SH3RF1: variants seen among roughly 807,000 people sequenced by gnomAD.
SH3RF1 encodes SH3 domain containing ring finger 1.
A neutral mutation model predicts 74.0 loss-of-function variants in SH3RF1; 32 were observed. The observed-to-expected ratio is 0.43, with a 90% CI of 0.33 to 0.58. The LOEUF (loss-of-function observed/expected upper bound fraction) is 0.58, where lower values mean the gene tolerates loss of function less well. Ranked by LOEUF, SH3RF1 falls within the 20% of genes least tolerant of loss-of-function variation. SH3RF1 has a pLI of 0.05. For missense variants in SH3RF1, 954 were observed against 1,130.9 expected, an observed-to-expected ratio of 0.84 and a Z score of 2.24; for synonymous variants, 396 against 439.6, an observed-to-expected ratio of 0.90 and a Z score of 1.24.
At chr4:169,215,893 T>A (rs1730454936) in intron 2 of SH3RF1, among the ~76,000 whole-genome samples, 1 of 152,016 alleles carries the variant, frequency 6.6e-6, no homozygotes, top group South Asian at 2.1e-4. Context: ...AGCCTCAACC[T>A]CCTGAGCTCA....
chr4:169,242,267 T>C (rs527270710), intron 2 of SH3RF1, among the ~76,000 whole-genome samples: 49 of 152,326 alleles, frequency 3.2e-4, no homozygotes, highest in African/African-American at 1.2e-3. Flanking sequence ...TGCTTTCACT[T>C]GAAAACTTTT....
intron 2 of SH3RF1, among the ~76,000 whole-genome samples, chr4:169,236,552 A>C (rs1032605488): frequency 6.6e-6 from 1 of 152,180 alleles, no homozygotes; most frequent in Non-Finnish European, 1.5e-5. Context: ...TAACCTCTCT[A>C]TGTCTGCTTC....
chr4:169,216,968 T>C (rs1309402282), intron 2 of SH3RF1, among the ~76,000 whole-genome samples: 1 of 138,732 alleles, frequency 7.2e-6, no homozygotes, highest in African/African-American at 2.7e-5. Context: ...CTGAGCAACA[T>C]GGCGAAACCC....
intron 2 of SH3RF1, among the ~76,000 whole-genome samples, chr4:169,254,568 TA>T (rs896238383): frequency 6.6e-6 from 1 of 152,096 alleles, no homozygotes; most frequent in Non-Finnish European, 1.5e-5. Flanking sequence ...CGGAGGGTAG[TA>T]AAAACTAACC....
chr4:169,102,766 C>T (rs1733061528), intron 11 of SH3RF1, among the ~76,000 whole-genome samples: 1 of 152,082 alleles, frequency 6.6e-6, no homozygotes, highest in African/African-American at 2.4e-5. Context: ...ACAGAAGAAT[C>T]CTTTTGTTCC....
At chr4:169,218,397 A>T (rs1222879610) in intron 2 of SH3RF1, among the ~76,000 whole-genome samples, 5 of 137,770 alleles carry the variant, frequency 3.6e-5, no homozygotes, top group Admixed American at 2.9e-4. Flanking sequence ...ATATTATAGA[A>T]TATAGAATAT....
chr4:169,193,385 A>T (rs1234821978), intron 2 of SH3RF1, among the ~76,000 whole-genome samples: 1 of 152,128 alleles, frequency 6.6e-6, no homozygotes, highest in Non-Finnish European at 1.5e-5. Flanking sequence ...AAAGCTGCAG[A>T]TGTGTTAGCT....
intron 2 of SH3RF1, among the ~76,000 whole-genome samples, chr4:169,240,708 G>A (rs909720604): frequency 3.3e-5 from 5 of 152,080 alleles, no homozygotes; most frequent in African/African-American, 1.2e-4. Flanking sequence ...CATTTCTTGT[G>A]AGAATATTTG....
At chr4:169,225,901 C>T (rs950649791) in intron 2 of SH3RF1, among the ~76,000 whole-genome samples, 2 of 152,058 alleles carry the variant, frequency 1.3e-5, no homozygotes, top group African/African-American at 4.8e-5. Flanking sequence ...AGACATGTTA[C>T]CCTTAGAAAG....
intron 2 of SH3RF1, among the ~76,000 whole-genome samples, chr4:169,235,621 T>C (rs1265941592): frequency 6.6e-6 from 1 of 152,224 alleles, no homozygotes; most frequent in Non-Finnish European, 1.5e-5. Context: ...GCTTCTCATA[T>C]AATAATATGC....
At chr4:169,216,651 G>C (rs1332570054) in intron 2 of SH3RF1, among the ~76,000 whole-genome samples, 1 of 152,048 alleles carries the variant, frequency 6.6e-6, no homozygotes, top group Non-Finnish European at 1.5e-5. Flanking sequence ...GACCAGCCTA[G>C]GTGATGAAGT....
At chr4:169,211,912 T>C (rs540181474) in intron 2 of SH3RF1, among the ~76,000 whole-genome samples, 2 of 152,294 alleles carry the variant, frequency 1.3e-5, no homozygotes, top group South Asian at 4.1e-4. Flanking sequence ...TCAGAAAAAT[T>C]GCAAAAGTCA....
In SH3RF1 at chr4:169,212,066, T is replaced by C. The variant is rs559296163; in HGVS notation, c.394-55387A>G. On this transcript the variant is annotated intron_variant, in intron 2 of 11. Coordinates refer to ENST00000284637, the MANE Select transcript of SH3RF1 (RefSeq NM_020870.4). ...TTTTTTCTTTTCTTTTCTTTTTTTTTTTTTTTTTTTTTTTTGAGACAGAGT... is the reference window on the plus strand; with the variant it reads ...TTTTTTCTTTTCTTTTCTTTTTTTTCTTTTTTTTTTTTTTTGAGACAGAGT... Among the ~76,000 whole-genome samples, 296 of 134,188 alleles carry C rather than the reference T, an allele frequency of 2.2e-3. 1 individual carries two copies. The highest frequency in any genetic ancestry group is 3.6e-3 in the Non-Finnish European group (230 of 63,116). 88.0% of individuals were successfully genotyped at this position (134,188 alleles called of 152,430 possible). A position where few individuals can be genotyped will look rare whatever the true frequency, so the allele number is the denominator to read the frequency against.
intron 7 of SH3RF1, 128 bp from the exon 8 acceptor site, chr4:169,121,117 T>C: frequency 1.3e-6 from 1 of 753,554 alleles, no homozygotes; most frequent in East Asian, 2.7e-5. Context: ...AATCCTTTAA[T>C]CTATAAGTAG....
chr4:169,182,862 A>C (rs550798970), intron 2 of SH3RF1, among the ~76,000 whole-genome samples: 45 of 152,330 alleles, frequency 3.0e-4, no homozygotes, highest in African/African-American at 9.6e-4. Flanking sequence ...CAACCAAAAA[A>C]AAAAGGAGAA....
At chr4:169,254,242 A>C (rs1731148992) in intron 2 of SH3RF1, among the ~76,000 whole-genome samples, 1 of 152,230 alleles carries the variant, frequency 6.6e-6, no homozygotes, top group Non-Finnish European at 1.5e-5. Flanking sequence ...TACTGAACTG[A>C]CCACCTACTA....
At chr4:169,212,113 G>A (rs1463625781) in intron 2 of SH3RF1, among the ~76,000 whole-genome samples, 1 of 122,576 alleles carries the variant, frequency 8.2e-6, no homozygotes, top group African/African-American at 3.3e-5. Flanking sequence ...TGCCCAGGCT[G>A]GAGTGCAATG....
rs1399798475 is a variant in SH3RF1, at chr4:169,136,408, G to C, written c.978C>G (p.Ile326Met). ...TGGAGCTGATGAGGACAGGGGGGCT[G>C]ATCTCCATGGAGTGGCGGTTCTGGG... ...QASQNRHSMEISPPVLISSSN... is the reference protein window; with the variant it reads ...QASQNRHSMEMSPPVLISSSN... Residue 326 changes from isoleucine (I) to methionine (M), a missense_variant, in exon 5 of 12, where the codon ATC (isoleucine) becomes ATG (methionine). Around this residue, in one of 3 missense-constraint regions of SH3RF1, gnomAD observed 854 missense variants for 962.5 expected, o/e 0.89. Transcript: ENST00000284637. 6.2e-7 allele frequency: 1 copy of C among 1,606,938 alleles called. No homozygotes were observed.
chr4:169,121,427 A>G (rs1177873012), intron 7 of SH3RF1, among the ~76,000 whole-genome samples: 1 of 152,150 alleles, frequency 6.6e-6, no homozygotes, highest in Admixed American at 6.5e-5. Context: ...GCTTCTACAC[A>G]CAAGCTGAAC....
Sources: gnomAD v4.1 joint callset for allele counts (sites outside exome capture counted in the v4.1 genomes callset) on GRCh38, gnomAD v4.1.1 for gene constraint, gnomAD v4.1.1 regional missense constraint, MANE v1.5 for transcripts, NCBI Gene and HGNC (gene_info 2026-07-23, HGNC 2026-07-21) for gene names.